Variants in RCL1 observed in about 807,000 individuals in gnomAD.
RCL1 encodes RNA 3'-terminal phosphate cyclase-like protein.
A neutral mutation model predicts 42.4 loss-of-function variants in RCL1; 24 were observed. That is an observed-to-expected ratio of 0.57 (90% CI 0.41 to 0.80). The LOEUF (loss-of-function observed/expected upper bound fraction) is 0.80. Ranked by LOEUF, RCL1 falls within the 30% of genes least tolerant of loss-of-function variation. The probability of loss-of-function intolerance (pLI) is 0.00; values close to 1 mark genes in which losing one functional copy is unlikely to be tolerated. For synonymous variants in RCL1, 228 were observed against 177.3 expected, an observed-to-expected ratio of 1.29 and a Z score of -2.27; for missense variants, 578 against 467.9, an observed-to-expected ratio of 1.24 and a Z score of -2.17.
Position 4,832,931 on chromosome 9 carries a change from C to T in RCL1, c.385-223C>T, listed in dbSNP as rs113143669. On this transcript the variant is annotated intron_variant, in intron 3 of 8. Coordinates refer to ENST00000381750, the MANE Select transcript of RCL1 (RefSeq NM_005772.5). ...TGACTTTAAGGTAGGTGTTGGTCTC[C>T]ATGTCATGAATGAGGAAAGTGCGGC... 8.7e-3 allele frequency among the ~76,000 whole-genome samples: 1,330 copies of T among 152,056 alleles called. 20 individuals carry two copies. The highest frequency in any genetic ancestry group is 0.03 in the African/African-American group (1,255 of 41,462).
intron 1 of RCL1, among the ~76,000 whole-genome samples, chr9:4,821,724 C>G (rs1028018716): frequency 1.3e-5 from 2 of 152,164 alleles, no homozygotes; most frequent in African/African-American, 4.8e-5. Context: ...AGGTGATCCT[C>G]CCACCTCAGC....
intron 5 of RCL1, among the ~76,000 whole-genome samples, chr9:4,838,323 G>T (rs1425883241): frequency 1.3e-5 from 2 of 152,182 alleles, no homozygotes; most frequent in East Asian, 3.8e-4. Flanking sequence ...CCTGCCAGCA[G>T]CTGTGACTAC....
At chr9:4,856,454 G>C (rs532197084) in intron 8 of RCL1, among the ~76,000 whole-genome samples, 5 of 152,238 alleles carry the variant, frequency 3.3e-5, no homozygotes, top group Non-Finnish European at 5.9e-5. Context: ...CTTTACTGAG[G>C]CTAAATTCTA....
chr9:4,835,434 G>A (rs1479245929), intron 5 of RCL1, among the ~76,000 whole-genome samples: 1 of 152,192 alleles, frequency 6.6e-6, no homozygotes, highest in Non-Finnish European at 1.5e-5. Flanking sequence ...GGGGAAGAGT[G>A]CTGGATCCCT....
intron 3 of RCL1, among the ~76,000 whole-genome samples, chr9:4,828,306 A>G (rs1293620486): frequency 1.3e-5 from 2 of 152,132 alleles, no homozygotes; most frequent in Non-Finnish European, 2.9e-5. Context: ...TTTTCTACTC[A>G]GGGAGGACCA....
chr9:4,814,722 A>G (rs1317423107), intron 1 of RCL1, among the ~76,000 whole-genome samples: 1 of 151,878 alleles, frequency 6.6e-6, no homozygotes, highest in African/African-American at 2.4e-5. Context: ...AGTGAGTTTT[A>G]TACTTTCATG....
At chr9:4,812,802 AT>A (rs1816226468) in intron 1 of RCL1, among the ~76,000 whole-genome samples, 1 of 151,456 alleles carries the variant, frequency 6.6e-6, no homozygotes, top group Non-Finnish European at 1.5e-5. Flanking sequence ...GGTTAAATTT[AT>A]TTCTAGGTAT....
intron 1 of RCL1, among the ~76,000 whole-genome samples, chr9:4,817,830 A>G (rs1338523931): frequency 7.0e-6 from 1 of 143,596 alleles, no homozygotes; most frequent in East Asian, 2.1e-4. Flanking sequence ...TTCTTTTGAG[A>G]TTATCATTTT....
At chr9:4,815,488 A>G (rs937797216) in intron 1 of RCL1, among the ~76,000 whole-genome samples, 1 of 150,172 alleles carries the variant, frequency 6.7e-6, no homozygotes, top group African/African-American at 2.5e-5. Flanking sequence ...TTTAAAATTT[A>G]TCCAGGAAGC....
intron 1 of RCL1, among the ~76,000 whole-genome samples, chr9:4,814,498 G>C (rs926659100): frequency 1.3e-5 from 2 of 152,078 alleles, no homozygotes; most frequent in Admixed American, 6.6e-5. Flanking sequence ...CAACTCCTGG[G>C]CATGATCATC....
At chr9:4,857,271 C>G (rs1817993095) in intron 8 of RCL1, among the ~76,000 whole-genome samples, 1 of 152,176 alleles carries the variant, frequency 6.6e-6, no homozygotes, top group South Asian at 2.1e-4. Flanking sequence ...CCACTCTCCC[C>G]AGCCCCAGGC....
At chr9:4,842,194 G>C (rs1378706756) in intron 6 of RCL1, among the ~76,000 whole-genome samples, 1 of 152,192 alleles carries the variant, frequency 6.6e-6, no homozygotes, top group Non-Finnish European at 1.5e-5. Context: ...AGGCTTTGCA[G>C]GTTGTGTCTC....
At position 4,792,989 on chromosome 9, in the gene RCL1, C is replaced by T; in HGVS notation, c.-103C>T. On this transcript the variant is annotated 5_prime_UTR_variant, in exon 1 of 9. Transcript: ENST00000381750. ...GGCTGCTGGAGGCAGCCCGAGCCGC[C>T]GCCGTCGGTGTCGCCGCCACCACCA... 3 of 1,377,922 alleles carry T rather than the reference C, an allele frequency of 2.2e-6. No individual in the cohort carries two copies. The highest frequency in any genetic ancestry group is 2.8e-5 in the South Asian group (2 of 71,352). The allele number at this position is 1,377,922 out of a possible 1,614,324, so 85.4% of individuals were successfully genotyped here. A position where few individuals can be genotyped will look rare whatever the true frequency, so the allele number is the denominator to read the frequency against.
At chr9:4,819,801 G>A (rs756164878) in intron 1 of RCL1, among the ~76,000 whole-genome samples, 10 of 152,236 alleles carry the variant, frequency 6.6e-5, no homozygotes, top group Non-Finnish European at 1.3e-4. Context: ...GCGAGACTCC[G>A]TCTCAAAAAC....
intron 8 of RCL1, among the ~76,000 whole-genome samples, chr9:4,853,512 G>A (rs933163208): frequency 7.2e-5 from 11 of 151,974 alleles, no homozygotes; most frequent in South Asian, 2.1e-4. Flanking sequence ...TAGTAGAGAC[G>A]GGGTTTCATC....
chr9:4,848,680 G>A (rs539142975), intron 7 of RCL1, among the ~76,000 whole-genome samples: 2 of 152,310 alleles, frequency 1.3e-5, no homozygotes, highest in African/African-American at 4.8e-5. Flanking sequence ...GCGTCTAGTG[G>A]AGGCAAAACA....
chr9:4,853,391 A>G (rs1817822084), intron 8 of RCL1, among the ~76,000 whole-genome samples: 1 of 147,754 alleles, frequency 6.8e-6, no homozygotes, highest in Admixed American at 6.9e-5. Flanking sequence ...GCGCGATCTC[A>G]GCTCACTGCA....
chr9:4,823,767 T>C, intron 2 of RCL1, 148 bp downstream of exon 2: 1 of 585,248 alleles, frequency 1.7e-6, no homozygotes, highest in Non-Finnish European at 3.0e-6. Context: ...GTTTAAAGCT[T>C]TACTAATCAC....
chr9:4,815,932 G>A (rs1185793507), intron 1 of RCL1, among the ~76,000 whole-genome samples: 1 of 152,080 alleles, frequency 6.6e-6, no homozygotes, highest in Non-Finnish European at 1.5e-5. Flanking sequence ...GATCCTGATT[G>A]GGGATTGGGG....
Sources: gnomAD v4.1 joint callset for allele counts (sites outside exome capture counted in the v4.1 genomes callset) on GRCh38, gnomAD v4.1.1 for gene constraint, MANE v1.5 for transcripts, NCBI Gene and HGNC (gene_info 2026-07-23, HGNC 2026-07-21) for gene names.